The following PAQR8 variants were observed in gnomAD, a reference collection of about 807,000 sequenced individuals.
PAQR8 encodes membrane progestin receptor beta.
A neutral mutation model predicts 25.2 loss-of-function variants in PAQR8; 17 were observed. The observed-to-expected ratio is 0.67, with a 90% CI of 0.46 to 1.01. The LOEUF (loss-of-function observed/expected upper bound fraction) is 1.01. PAQR8 is among the 50% of genes least tolerant of loss of function. The pLI is 0.00. For synonymous variants in PAQR8, 204 were observed against 190.6 expected, an observed-to-expected ratio of 1.07 and a Z score of -0.58; for missense variants, 392 against 448.4, an observed-to-expected ratio of 0.87 and a Z score of 1.14.
chr6:52,363,424 T>G (rs1315259494), intron 1 of PAQR8, among the ~76,000 whole-genome samples: 1 of 152,190 alleles, frequency 6.6e-6, no homozygotes, highest in Non-Finnish European at 1.5e-5. Context: ...AGATTTCAAA[T>G]GTACAGGTAA....
At chr6:52,386,229 C>T (rs1044068760) in intron 1 of PAQR8, among the ~76,000 whole-genome samples, 2 of 152,158 alleles carry the variant, frequency 1.3e-5, no homozygotes, top group Admixed American at 6.5e-5. Flanking sequence ...GGTTAGGGAA[C>T]GTTTATACAG....
chr6:52,377,132 A>AGG (rs1375174122), intron 1 of PAQR8, among the ~76,000 whole-genome samples: 1 of 152,218 alleles, frequency 6.6e-6, no homozygotes, highest in Non-Finnish European at 1.5e-5. Context: ...TGTTAACTCG[A>AGG]TGGTAAACTT....
Position 52,406,899 on chromosome 6 carries a change from A to C in PAQR8, c.*2621A>C, listed in dbSNP as rs889330616. 9.0e-6 allele frequency: 2 copies of C among 222,892 alleles called. No individual in the cohort carries two copies. Among genetic ancestry groups the C allele is most frequent in the African/African-American group, 4.6e-5 (2 of 43,890 alleles). 13.8% of individuals were successfully genotyped at this position (222,892 alleles called of 1,614,324 possible). A position where few individuals can be genotyped will look rare whatever the true frequency, so the allele number is the denominator to read the frequency against. On this transcript the variant is annotated 3_prime_UTR_variant, in exon 2 of 2. Transcript: ENST00000442253. ...TTTTAATAGGAGATATTTGAGAGGCATTGAGGTAGGAGACTCTATGACATG... is the reference window on the plus strand; with the variant it reads ...TTTTAATAGGAGATATTTGAGAGGCCTTGAGGTAGGAGACTCTATGACATG...
intron 1 of PAQR8, among the ~76,000 whole-genome samples, chr6:52,393,897 G>A (rs895109041): frequency 1.3e-5 from 2 of 152,230 alleles, no homozygotes; most frequent in African/African-American, 4.8e-5. Flanking sequence ...GGGACATGAA[G>A]CATGAGTAGG....
chr6:52,406,595 C>G lies in PAQR8; in HGVS notation c.*2317C>G, dbSNP rs1293065043. 1.9e-5 allele frequency: 8 copies of G among 412,502 alleles called. No homozygotes were observed. Among genetic ancestry groups the G allele is most frequent in the Non-Finnish European group, 3.5e-5 (8 of 226,144 alleles). 25.6% of individuals were successfully genotyped at this position (412,502 alleles called of 1,614,324 possible). A position where few individuals can be genotyped will look rare whatever the true frequency, so the allele number is the denominator to read the frequency against. On this transcript the variant is annotated 3_prime_UTR_variant, in exon 2 of 2. Transcript: ENST00000442253. Reference sequence around the variant, plus strand: ...TCTCTTTTTCTGAGACAGGGTCTTACTCTGTCGCCCAGGCTGGAGTGCAGT... The same window carrying G: ...TCTCTTTTTCTGAGACAGGGTCTTAGTCTGTCGCCCAGGCTGGAGTGCAGT...
In PAQR8 at chr6:52,398,654, A is replaced by G. The variant is rs1763796345; in HGVS notation, c.-52-4508A>G. On this transcript the variant is annotated intron_variant, in intron 1 of 1. Transcript: ENST00000442253. ...CTGCAACCTCCTCCTCCTGGGTTCA[A>G]GTGATTCTCCTGCCTCAGCCTCCCT... Among the ~76,000 whole-genome samples, 2 of 152,058 alleles carry G rather than the reference A, an allele frequency of 1.3e-5. 1 individual carries two copies. The highest frequency in any genetic ancestry group is 1.3e-4 in the Admixed American group (2 of 15,270).
chr6:52,388,495 G>T (rs544861916), intron 1 of PAQR8, among the ~76,000 whole-genome samples: 4 of 152,184 alleles, frequency 2.6e-5, no homozygotes, highest in Non-Finnish European at 5.9e-5. Context: ...CCCTGGTGCT[G>T]AAAAGGTTGG....
intron 1 of PAQR8, among the ~76,000 whole-genome samples, chr6:52,402,617 C>CAAAAAAA (rs5876274): frequency 1.7e-5 from 2 of 115,888 alleles, no homozygotes; most frequent in African/African-American, 3.4e-5. Context: ...AACTCTGTCT[C>CAAAAAAA]AAAAAAAAAA....
At chr6:52,390,032 GACA>G (rs1763681872) in intron 1 of PAQR8, among the ~76,000 whole-genome samples, 1 of 152,194 alleles carries the variant, frequency 6.6e-6, no homozygotes, top group Non-Finnish European at 1.5e-5. Context: ...GGGAGTTTCA[GACA>G]GCAAAGTTTA....
In PAQR8 at chr6:52,403,742, C is replaced by T; in HGVS notation, c.529C>T (p.Leu177Phe). The T allele has an allele frequency of 6.2e-7, 1 of 1,614,232 alleles. No individual in the cohort carries two copies. The highest frequency in any genetic ancestry group is 8.5e-7 in the Non-Finnish European group (1 of 1,180,032). The change falls in exon 2 of 2, where the codon CTT becomes TTT. Residue 177 changes from leucine to phenylalanine, a missense_variant. By Grantham distance (22) the Leu-to-Phe change is conservative. Coordinates refer to ENST00000442253, the MANE Select transcript of PAQR8 (RefSeq NM_133367.5). ...CCAGGCCTGGTATGACCGGTTCTGGCTTTTCTTCTTGCCAGCAGCTGCCTT... is the reference window on the plus strand; with the variant it reads ...CCAGGCCTGGTATGACCGGTTCTGGTTTTTCTTCTTGCCAGCAGCTGCCTT... ...SDQAWYDRFWLFFLPAAAFCG... is the reference protein window; with the variant it reads ...SDQAWYDRFWFFFLPAAAFCG...
intron 1 of PAQR8, among the ~76,000 whole-genome samples, chr6:52,383,748 T>TA (rs1004795177): frequency 7.2e-5 from 11 of 152,208 alleles, no homozygotes; most frequent in Non-Finnish European, 1.3e-4. Context: ...TTTGCTCTTT[T>TA]ATTCTGCATG....
intron 1 of PAQR8, among the ~76,000 whole-genome samples, chr6:52,395,272 CAAAAAAAAA>C (rs34239055): frequency 1.1e-5 from 1 of 93,432 alleles, no homozygotes. Flanking sequence ...GACTTCGTCT[CAAAAAAAAA>C]AAAAAAAAAA....
chr6:52,404,019 A>T lies in PAQR8; in HGVS notation c.806A>T (p.Lys269Met). The change falls in exon 2 of 2, where the codon AAG becomes ATG. Residue 269 changes from lysine to methionine, a missense_variant. Lys to Met is a moderately conservative substitution (Grantham distance 95). Transcript: ENST00000442253. Reference sequence around the variant, plus strand: ...TTCTTCTCCTGCCCCGTGCCTGAGAAGTACTTCCCGGGTTCCTGTGACATC... The same window carrying T: ...TTCTTCTCCTGCCCCGTGCCTGAGATGTACTTCCCGGGTTCCTGTGACATC... ...AYFFSCPVPEKYFPGSCDIVG... is the reference protein window; with the variant it reads ...AYFFSCPVPEMYFPGSCDIVG... 6.2e-7 allele frequency: 1 copy of T among 1,614,190 alleles called. No individual in the cohort carries two copies. The highest frequency in any genetic ancestry group is 8.5e-7 in the Non-Finnish European group (1 of 1,180,032).
At chr6:52,399,641 G>A (rs1763808198) in intron 1 of PAQR8, among the ~76,000 whole-genome samples, 1 of 152,176 alleles carries the variant, frequency 6.6e-6, no homozygotes, top group African/African-American at 2.4e-5. Context: ...CAGGGATACT[G>A]GGAGCATCTT....
intron 1 of PAQR8, among the ~76,000 whole-genome samples, chr6:52,376,288 A>T (rs1763484555): frequency 1.3e-5 from 2 of 152,206 alleles, no homozygotes; most frequent in African/African-American, 4.8e-5. Flanking sequence ...CTGGTAGGCT[A>T]TGCAGGCAGA....
At chr6:52,393,458 C>A (rs755084289) in intron 1 of PAQR8, among the ~76,000 whole-genome samples, 7 of 151,202 alleles carry the variant, frequency 4.6e-5, no homozygotes, top group Non-Finnish European at 8.8e-5. Flanking sequence ...ACCTCAGCAT[C>A]CTGAGTAATT....
At position 52,403,488 on chromosome 6, in the gene PAQR8, G is replaced by A; in HGVS notation, c.275G>A (p.Arg92Gln). The A allele has an allele frequency of 1.2e-6, 2 of 1,614,120 alleles. No individual in the cohort carries two copies. Among genetic ancestry groups the A allele is most frequent in the Non-Finnish European group, 1.7e-6 (2 of 1,180,040 alleles). ...CTGGCAGCCCTGGCCGTCCTCTTGC[G>A]ATTCTGGGCCTTTGCCGAGGCTGAG... ...HLLAALAVLL[R>Q]FWAFAEAEAL... is the part of the protein sequence containing the mutation. The change falls in exon 2 of 2, where the codon CGA becomes CAA. Residue 92 changes from arginine to glutamine, a missense_variant. Arg to Gln is a conservative substitution (Grantham distance 43). Transcript: ENST00000442253.
At chr6:52,368,856 G>A (rs1011159396) in intron 1 of PAQR8, among the ~76,000 whole-genome samples, 4 of 152,028 alleles carry the variant, frequency 2.6e-5, no homozygotes, top group Non-Finnish European at 5.9e-5. Flanking sequence ...ACGTGTCAAG[G>A]GCGGGACCAG....
intron 1 of PAQR8, among the ~76,000 whole-genome samples, chr6:52,397,173 C>T (rs561400366): frequency 1.3e-5 from 2 of 152,180 alleles, no homozygotes; most frequent in South Asian, 4.2e-4. Context: ...AATAGTTTCA[C>T]GGGAGAGAAA....
Sources: gnomAD v4.1 joint callset for allele counts (sites outside exome capture counted in the v4.1 genomes callset) on GRCh38, gnomAD v4.1.1 for gene constraint, MANE v1.5 for transcripts, NCBI Gene and HGNC (gene_info 2026-07-23, HGNC 2026-07-21) for gene names.